Variants in POF1B observed in about 807,000 individuals in gnomAD.
POF1B encodes the protein POF1B actin binding protein.
Under a neutral mutation model 55.3 loss-of-function variants are expected in POF1B, and 53 were observed. The ratio of observed to expected loss-of-function variants is 0.96; its 90% CI spans 0.77 to 1.20. The LOEUF (loss-of-function observed/expected upper bound fraction) is 1.20. Ranked by LOEUF, POF1B falls within the 50% of genes most tolerant of loss-of-function variation. The pLI is 0.00. For synonymous variants in POF1B, 188 were observed against 148.3 expected (o/e 1.27, Z -1.95); for missense variants, 478 against 420.5 (o/e 1.14, Z -1.20).
At chrX:85,335,593 T>C (rs1014140152) in intron 6 of POF1B, among the ~76,000 whole-genome samples, 5 of 111,242 alleles carry the variant, frequency 4.5e-5, no homozygotes, top group African/African-American at 1.6e-4. Flanking sequence ...GTAAAAGAAT[T>C]TTAGGTTCTG....
intron 6 of POF1B, among the ~76,000 whole-genome samples, chrX:85,338,581 A>T (rs990642374): frequency 4.5e-5 from 5 of 112,049 alleles, no homozygotes; most frequent in African/African-American, 1.6e-4. Context: ...CTTGTACTAC[A>T]AAGTGAGTAT....
At chrX:85,361,610 T>C (rs1457735649) in intron 3 of POF1B, among the ~76,000 whole-genome samples, 1 of 111,706 alleles carries the variant, frequency 9.0e-6, no homozygotes, top group African/African-American at 3.3e-5. Flanking sequence ...TTGGTTACTG[T>C]AGCCCTGTAG....
chrX:85,342,718 A>G (rs952260799), intron 6 of POF1B, among the ~76,000 whole-genome samples: 7 of 111,349 alleles, frequency 6.3e-5, no homozygotes, highest in Non-Finnish European at 1.3e-4. Flanking sequence ...AACACAAACC[A>G]TGAAAATGGG....
At chrX:85,295,367 A>T (rs1932287015) in intron 15 of POF1B, among the ~76,000 whole-genome samples, 1 of 111,471 alleles carries the variant, frequency 9.0e-6, no homozygotes, top group African/African-American at 3.3e-5. Context: ...GAGTGATGTA[A>T]ACTTCCTCTT....
intron 2 of POF1B, among the ~76,000 whole-genome samples, chrX:85,374,361 C>T (rs755395692): frequency 1.7e-3 from 189 of 111,364 alleles, no homozygotes; most frequent in African/African-American, 6.1e-3. Context: ...GCTTCATTTT[C>T]CTGTTGATAG....
rs767179106 is a variant in POF1B at position 85,301,681 on chromosome X, A to C, written c.1649+1725T>G. Among the ~76,000 whole-genome samples the C allele has an allele frequency of 1.1e-3, 124 of 112,062 alleles. 1 individual carries two copies. The highest frequency in any genetic ancestry group is 4.8e-3 in the Admixed American group (51 of 10,553). The stretch of plus-strand genomic sequence containing the variant: ...AGAAAATATAGTAAAAGTAACTAAA[A>C]TGGAATTAAAATGTTACTGTAGAAA... On this transcript the variant is annotated intron_variant, in intron 15 of 16. Coordinates refer to ENST00000262753, the MANE Select transcript of POF1B (RefSeq NM_024921.4).
chrX:85,331,154 A>G, intron 6 of POF1B, 75 bp from the exon 7 acceptor site: 1 of 1,024,669 alleles, frequency 9.8e-7, no homozygotes, highest in Non-Finnish European at 1.3e-6. Context: ...ATGTGAAGCG[A>G]AAGAAAGATA....
intron 6 of POF1B, among the ~76,000 whole-genome samples, chrX:85,337,418 G>C (rs1045783576): frequency 8.9e-6 from 1 of 111,780 alleles, no homozygotes. Flanking sequence ...GTGATACGAA[G>C]TTACATTCAG....
intron 11 of POF1B, among the ~76,000 whole-genome samples, 167 bp downstream of exon 11, chrX:85,306,996 G>A (rs1932588378): frequency 9.0e-6 from 1 of 111,051 alleles, no homozygotes; most frequent in East Asian, 2.8e-4. Flanking sequence ...TTTCTGAGAG[G>A]GCTTTCAGCC....
chrX:85,353,649 T>C (rs745327360), intron 4 of POF1B, among the ~76,000 whole-genome samples: 1 of 110,818 alleles, frequency 9.0e-6, no homozygotes, highest in African/African-American at 3.3e-5. Flanking sequence ...TACAAAAAAA[T>C]GTCTGGGTAG....
At chrX:85,306,958 A>C (rs981302551) in intron 11 of POF1B, among the ~76,000 whole-genome samples, 1 of 111,922 alleles carries the variant, frequency 8.9e-6, no homozygotes, top group Non-Finnish European at 1.9e-5. Flanking sequence ...TATGTACTTT[A>C]TATCTAAAAT....
chrX:85,321,241 AC>A (rs1932834992), intron 7 of POF1B, among the ~76,000 whole-genome samples: 1 of 111,287 alleles, frequency 9.0e-6, no homozygotes, highest in African/African-American at 3.3e-5. Flanking sequence ...AAGCTTATCC[AC>A]CATGATCAAG....
intron 15 of POF1B, among the ~76,000 whole-genome samples, chrX:85,297,371 G>T (rs1238917139): frequency 8.9e-6 from 1 of 112,104 alleles, no homozygotes; most frequent in Non-Finnish European, 1.9e-5. Context: ...TTTTGGATTT[G>T]CTGTAATTTC....
At chrX:85,361,955 C>CGTGTGTGT (rs3049233) in intron 3 of POF1B, among the ~76,000 whole-genome samples, 54 of 94,275 alleles carry the variant, frequency 5.7e-4, no homozygotes, top group African/African-American at 1.7e-3. Context: ...CTAGGTATTT[C>CGTGTGTGT]GTGTGTGTGT....
rs368840166 is a variant in POF1B, at chrX:85,375,632, G to A, written c.282+3541C>T. On this transcript the variant is annotated intron_variant, in intron 2 of 16. Transcript: ENST00000262753. ...AACAATCATTCACTTTAGTGACTAC[G>A]CCCTTGAACAACAATTTATCAAAGC... Among the ~76,000 whole-genome samples the A allele has an allele frequency of 1.5e-4, 17 of 111,428 alleles. No homozygotes were observed. The East Asian group carries it at 4.8e-3, about 31-fold the overall frequency.
chrX:85,290,518 G>T (rs1372890388), intron 15 of POF1B, among the ~76,000 whole-genome samples: 1 of 111,297 alleles, frequency 9.0e-6, no homozygotes, highest in African/African-American at 3.3e-5. Context: ...GTTCTTTGAG[G>T]AATCTCCAAA....
intron 7 of POF1B, among the ~76,000 whole-genome samples, chrX:85,322,289 A>G (rs1321461992): frequency 9.0e-6 from 1 of 110,969 alleles, no homozygotes; most frequent in Non-Finnish European, 1.9e-5. Context: ...AAATAATGCC[A>G]CATATCTACA....
chrX:85,319,977 T>G (rs867224997), intron 7 of POF1B, among the ~76,000 whole-genome samples: 1 of 110,712 alleles, frequency 9.0e-6, no homozygotes, highest in African/African-American at 3.3e-5. Flanking sequence ...TGGTAGAATT[T>G]CGTTGTGAAT....
chrX:85,374,397 G>T (rs974499868), intron 2 of POF1B, among the ~76,000 whole-genome samples: 8 of 111,634 alleles, frequency 7.2e-5, no homozygotes, highest in African/African-American at 2.6e-4. Context: ...TCAAAAGCCT[G>T]GTGTAAGACA....
Sources: gnomAD v4.1 joint callset for allele counts (sites outside exome capture counted in the v4.1 genomes callset) on GRCh38, gnomAD v4.1.1 for gene constraint, MANE v1.5 for transcripts, NCBI Gene and HGNC (gene_info 2026-07-23, HGNC 2026-07-21) for gene names.